Variants in CASP2 observed in about 807,000 individuals in gnomAD.
CASP2 encodes the protein caspase-2.
Under a neutral mutation model 54.4 loss-of-function variants are expected in CASP2, and 38 were observed. That is an observed-to-expected ratio of 0.70 (90% CI 0.54 to 0.92). The LOEUF (loss-of-function observed/expected upper bound fraction) is 0.92, where lower values mean the gene tolerates loss of function less well. CASP2 is among the 40% of genes least tolerant of loss of function. The pLI, the probability that CASP2 is intolerant of heterozygous loss-of-function variation, is 0.00. For missense variants in CASP2, 512 were observed against 579.6 expected (o/e 0.88, Z 1.20); for synonymous variants, 215 against 216.3 (o/e 0.99, Z 0.05).
At position 143,292,466 on chromosome 7, in the gene CASP2, C is replaced by T. The variant is rs748009560; in HGVS notation, c.392C>T (p.Pro131Leu). ...TLSGLQHVLPPLSCDYDLSLP... is the reference protein window; with the variant it reads ...TLSGLQHVLPLLSCDYDLSLP... ...TCTGGGCTTCAGCATGTACTCCCACCGGTATGAAGCTTTAGTAATATGGGG... is the reference window on the plus strand; with the variant it reads ...TCTGGGCTTCAGCATGTACTCCCACTGGTATGAAGCTTTAGTAATATGGGG... The change falls in exon 3 of 11, where the codon CCG (proline) becomes CTG (leucine). Residue 131 changes from proline to leucine, a missense_variant and splice_region_variant. Pro to Leu is a moderately conservative substitution (Grantham distance 98, BLOSUM62 -3). Transcript: ENST00000310447. 97 of 1,613,942 alleles carry T rather than the reference C, an allele frequency of 6.0e-5. No individual in the cohort carries two copies. Among genetic ancestry groups the T allele is most frequent in the Non-Finnish European group, 5.5e-5 (65 of 1,179,988 alleles).
At chr7:143,295,581 A>G (rs1040664592) in intron 6 of CASP2, among the ~76,000 whole-genome samples, 1 of 152,222 alleles carries the variant, frequency 6.6e-6, no homozygotes, top group Non-Finnish European at 1.5e-5. Context: ...TGAGGTTGTC[A>G]GTGGTGAAAT....
intron 6 of CASP2, among the ~76,000 whole-genome samples, chr7:143,295,611 A>G (rs1342148894): frequency 6.6e-6 from 1 of 152,188 alleles, no homozygotes; most frequent in Non-Finnish European, 1.5e-5. Flanking sequence ...TAGGAGATTC[A>G]CTTTGATCTG....
intron 8 of CASP2, chr7:143,303,570 G>A (rs764916343): frequency 1.2e-5 from 6 of 492,014 alleles, no homozygotes; most frequent in Admixed American, 6.6e-5. Context: ...CGTGGTGCCC[G>A]GTGTGTATGA....
Position 143,294,710 on chromosome 7 carries a change from T to C in CASP2, c.684T>C (p.Thr228=), listed in dbSNP as rs749885591. The change falls in exon 6 of 11, where the codon ACT becomes ACC. Residue 228 remains threonine (T), a synonymous_variant. Transcript: ENST00000310447. The part of the protein sequence containing the change: ...FRSGGDVDHS[T]LVTLFKLLGY... Reference sequence around the variant, plus strand: ...CTGGAGGGGATGTGGACCACAGTACTCTAGTCACCCTCTTCAAGCTTTTGG... The same window carrying C: ...CTGGAGGGGATGTGGACCACAGTACCCTAGTCACCCTCTTCAAGCTTTTGG... The C allele has an allele frequency of 1.9e-6, 3 of 1,614,196 alleles. No individual in the cohort carries two copies. Among genetic ancestry groups the C allele is most frequent in the Middle Eastern group, 1.6e-4 (1 of 6,062 alleles).
intron 8 of CASP2, chr7:143,300,668 T>C: frequency 2.4e-6 from 3 of 1,231,324 alleles, no homozygotes; most frequent in East Asian, 5.1e-5. Context: ...TTCCTGTCCT[T>C]CTTATTTTAT....
intron 1 of CASP2, 136 bp from the exon 2 acceptor site, chr7:143,291,404 C>T (rs1290472553): frequency 1.2e-5 from 10 of 866,460 alleles, no homozygotes; most frequent in East Asian, 7.3e-5. Context: ...TTGCTTTAAC[C>T]AGATTTAAGA....
intron 9 of CASP2, among the ~76,000 whole-genome samples, 195 bp downstream of exon 9, chr7:143,304,128 A>G (rs1801999189): frequency 6.6e-6 from 1 of 152,292 alleles, no homozygotes; most frequent in African/African-American, 2.4e-5. Context: ...CCGTATCCAA[A>G]TATTCTAAAT....
intron 4 of CASP2, chr7:143,293,018 A>G (rs1801625697): frequency 1.7e-6 from 1 of 596,648 alleles, no homozygotes. Context: ...CTCAAAAAAT[A>G]AAATAAAATA....
intron 6 of CASP2, 27 bp downstream of exon 6, chr7:143,294,800 G>A: frequency 6.3e-7 from 1 of 1,589,940 alleles, no homozygotes. Context: ...AAATTGACAT[G>A]TAAATTAGAG....
In CASP2 at chr7:143,293,203, C is replaced by G. The variant is rs1232897095; in HGVS notation, c.475+505C>G. 5 of 630,602 alleles carry G rather than the reference C, an allele frequency of 7.9e-6. No homozygotes were observed. The East Asian group carries it at 1.4e-4, about 18-fold the overall frequency. The allele number at this position is 630,602 out of a possible 1,614,324, so 39.1% of individuals were successfully genotyped here. A position where few individuals can be genotyped will look rare whatever the true frequency, so the allele number is the denominator to read the frequency against. ...AATGCAGTGACACCACCATAGCTCA[C>G]TGCAGCGTTGAACTCCTGGGTTGAA... On this transcript the variant is annotated intron_variant, in intron 4 of 10. Transcript: ENST00000310447.
chr7:143,302,151 A>G (rs1180595384), intron 8 of CASP2: 1 of 152,228 alleles, frequency 6.6e-6, no homozygotes, highest in East Asian at 1.9e-4. Flanking sequence ...AGTGACATTT[A>G]TTGATTGATG....
At chr7:143,290,495 CG>C (rs1408170946) in intron 1 of CASP2, 1 of 152,090 alleles carries the variant, frequency 6.6e-6, no homozygotes, top group African/African-American at 2.4e-5. Context: ...GAAAATGTGA[CG>C]GGGCAGGCTA....
Position 143,305,729 on chromosome 7 carries a change from T to C in CASP2, c.*658T>C, listed in dbSNP as rs1490214354. 1.2e-5 allele frequency: 2 copies of C among 160,996 alleles called. No homozygotes were observed. Among genetic ancestry groups the C allele is most frequent in the South Asian group, 1.7e-4 (1 of 5,980 alleles). 10.0% of individuals were successfully genotyped at this position (160,996 alleles called of 1,614,324 possible). On this transcript the variant is annotated 3_prime_UTR_variant, in exon 11 of 11. Coordinates refer to ENST00000310447, the MANE Select transcript of CASP2 (RefSeq NM_032982.4). Reference sequence around the variant, plus strand: ...GTCAGCCAACATTGCCTTGCATTTGTACCTTATTGATCTTTGCCCATGGAA... The same window carrying C: ...GTCAGCCAACATTGCCTTGCATTTGCACCTTATTGATCTTTGCCCATGGAA...
At chr7:143,292,267 A>G (rs1241565164) in intron 2 of CASP2, 33 bp from the exon 3 acceptor site, 3 of 1,608,922 alleles carry the variant, frequency 1.9e-6, no homozygotes, top group Non-Finnish European at 2.6e-6. Context: ...TAGAGAAGTA[A>G]ATATGATTTC....
Position 143,303,903 on chromosome 7 carries a change from G to T in CASP2, c.1087G>T (p.Asp363Tyr), listed in dbSNP as rs1231737822. The T allele has an allele frequency of 1.9e-6, 3 of 1,608,742 alleles. No individual in the cohort carries two copies. Among genetic ancestry groups the T allele is most frequent in the Non-Finnish European group, 1.7e-6 (2 of 1,177,308 alleles). ...LPKMRLPTRS[D>Y]MICGYACLKG... ...GAAGATGAGACTGCCCACGCGCTCA[G>T]ACATGATATGCGGCTATGCCTGCCT... Residue 363 changes from aspartate to tyrosine, a missense_variant, in exon 9 of 11, where the codon GAC becomes TAC. This residue lies in a region of CASP2 where 417 missense variants were observed against 495.4 expected (regional missense o/e 0.84). Coordinates refer to ENST00000310447, the MANE Select transcript of CASP2 (RefSeq NM_032982.4).
chr7:143,289,870 C>T (rs1481396165), intron 1 of CASP2, among the ~76,000 whole-genome samples: 1 of 152,040 alleles, frequency 6.6e-6, no homozygotes, highest in East Asian at 1.9e-4. Context: ...TCATTGGCTG[C>T]TTCCAACCCA....
At chr7:143,295,756 C>A (rs1801726575) in intron 6 of CASP2, among the ~76,000 whole-genome samples, 1 of 152,196 alleles carries the variant, frequency 6.6e-6, no homozygotes. Context: ...CCACAGGTAC[C>A]TGGGTGTTGT....
chr7:143,304,704 G>T lies in CASP2; in HGVS notation c.1148G>T (p.Gly383Val). The change falls in exon 10 of 11, where the codon GGT becomes GTT. Residue 383 changes from glycine (G) to valine (V), a missense_variant. By Grantham distance (109) the Gly-to-Val change is moderately radical. Around this residue, in one of 3 missense-constraint regions of CASP2, gnomAD observed 417 missense variants for 495.4 expected, o/e 0.84. Transcript: ENST00000310447. ...GCCGCCATGCGGAACACCAAACGAGGTTCCTGGTACATCGAGGCTCTTGCT... is the reference window on the plus strand; with the variant it reads ...GCCGCCATGCGGAACACCAAACGAGTTTCCTGGTACATCGAGGCTCTTGCT... ...GTAAMRNTKR[G>V]SWYIEALAQV... is the part of the protein sequence containing the mutation. 6.2e-7 allele frequency: 1 copy of T among 1,614,200 alleles called. No individual in the cohort carries two copies. The highest frequency in any genetic ancestry group is 1.7e-4 in the Middle Eastern group (1 of 6,060).
chr7:143,304,564 A>G (rs1404675184), intron 9 of CASP2, 110 bp from the exon 10 acceptor site: 1 of 814,552 alleles, frequency 1.2e-6, no homozygotes, highest in Non-Finnish European at 2.2e-6. Context: ...TAGATTCTTC[A>G]TGCTGGGTTC....
Sources: gnomAD v4.1 joint callset for allele counts (sites outside exome capture counted in the v4.1 genomes callset) on GRCh38, gnomAD v4.1.1 for gene constraint, gnomAD v4.1.1 regional missense constraint, MANE v1.5 for transcripts, NCBI Gene and HGNC (gene_info 2026-07-23, HGNC 2026-07-21) for gene names.